GRIK2: variants seen among roughly 807,000 people sequenced by gnomAD.
The protein encoded by GRIK2 is glutamate receptor ionotropic, kainate 2.
A neutral mutation model predicts 100.3 loss-of-function variants in GRIK2; 32 were observed. The ratio of observed to expected loss-of-function variants is 0.32; its 90% CI spans 0.24 to 0.43. The LOEUF is 0.43. GRIK2 is among the 20% of genes least tolerant of loss of function. The probability of loss-of-function intolerance (pLI) is 1.00; values close to 1 mark genes in which losing one functional copy is unlikely to be tolerated. For missense variants in GRIK2, 843 were observed against 1,114.9 expected (o/e 0.76, Z 3.47); for synonymous variants, 417 against 389.4 (o/e 1.07, Z -0.83).
intron 2 of GRIK2, among the ~76,000 whole-genome samples, chr6:101,587,689 T>C (rs528973348): frequency 6.6e-6 from 1 of 152,216 alleles, no homozygotes; most frequent in African/African-American, 2.4e-5. Flanking sequence ...GAAAGCAACA[T>C]TGGAGGCTAG....
intron 2 of GRIK2, among the ~76,000 whole-genome samples, chr6:101,476,162 A>G (rs1450399406): frequency 2.6e-5 from 4 of 152,090 alleles, no homozygotes; most frequent in Non-Finnish European, 5.9e-5. Flanking sequence ...TGATGAATTT[A>G]GTATATAACT....
At chr6:101,426,488 C>A (rs1015195280) in intron 2 of GRIK2, among the ~76,000 whole-genome samples, 1 of 152,192 alleles carries the variant, frequency 6.6e-6, no homozygotes, top group Non-Finnish European at 1.5e-5. Flanking sequence ...CCTCCCTACA[C>A]TTCCCAGCCT....
intron 7 of GRIK2, among the ~76,000 whole-genome samples, chr6:101,775,616 GAAACAAGACAGAGGC>G (rs1457542190): frequency 2.7e-5 from 4 of 150,698 alleles, no homozygotes; most frequent in Non-Finnish European, 4.4e-5. Context: ...AATTCATTTA[GAAACAAGACAGAGGC>G]TGTACTCACA....
intron 2 of GRIK2, among the ~76,000 whole-genome samples, chr6:101,608,784 G>GGTGTGTGTGT (rs71689029): frequency 2.1e-5 from 3 of 141,970 alleles, no homozygotes; most frequent in African/African-American, 8.1e-5. Flanking sequence ...CTCATAGAGG[G>GGTGTGTGTGT]GTGTGTGTGT....
chr6:101,648,186 T>C (rs1781617860), intron 4 of GRIK2, among the ~76,000 whole-genome samples: 1 of 152,012 alleles, frequency 6.6e-6, no homozygotes, highest in African/African-American at 2.4e-5. Flanking sequence ...TTAGATATGA[T>C]TTAGAAGTCT....
intron 7 of GRIK2, among the ~76,000 whole-genome samples, chr6:101,795,484 T>C (rs1780234364): frequency 2.0e-5 from 3 of 152,232 alleles, no homozygotes; most frequent in Non-Finnish European, 4.4e-5. Flanking sequence ...CGTGTGTTAG[T>C]GGGCTCAGGT....
At chr6:101,803,553 C>T (rs1359209809) in intron 9 of GRIK2, among the ~76,000 whole-genome samples, 2 of 151,834 alleles carry the variant, frequency 1.3e-5, no homozygotes, top group Admixed American at 6.6e-5. Context: ...AACTGTCTCA[C>T]TCTCCAGATG....
At chr6:101,915,070 T>C (rs1258160129) in intron 12 of GRIK2, among the ~76,000 whole-genome samples, 1 of 151,482 alleles carries the variant, frequency 6.6e-6, no homozygotes, top group Admixed American at 6.6e-5. Flanking sequence ...AGGAAAATCT[T>C]TTCCTTAGAA....
chr6:101,636,507 AG>A (rs1245331050), intron 4 of GRIK2, among the ~76,000 whole-genome samples: 6 of 150,152 alleles, frequency 4.0e-5, no homozygotes, highest in Admixed American at 6.6e-5. Flanking sequence ...AATAAAAAAA[AG>A]AAAAGAAAAT....
chr6:102,047,674 A>G (rs1770966377), intron 15 of GRIK2, among the ~76,000 whole-genome samples: 1 of 151,822 alleles, frequency 6.6e-6, no homozygotes, highest in African/African-American at 2.4e-5. Flanking sequence ...GCTTTAACCC[A>G]GGAGGCAGAG....
At chr6:101,657,880 G>T (rs1490266028) in intron 4 of GRIK2, among the ~76,000 whole-genome samples, 3 of 151,882 alleles carry the variant, frequency 2.0e-5, no homozygotes, top group African/African-American at 7.3e-5. Context: ...GTCAAATCTA[G>T]GATGAGGGGG....
At chr6:101,617,293 C>T (rs1046281069) in intron 2 of GRIK2, among the ~76,000 whole-genome samples, 1 of 151,818 alleles carries the variant, frequency 6.6e-6, no homozygotes, top group African/African-American at 2.4e-5. Context: ...ATGCTCTCTT[C>T]TTACTGCTAT....
At chr6:102,067,464 C>A (rs1003537620) in intron 16 of GRIK2, among the ~76,000 whole-genome samples, 3 of 151,634 alleles carry the variant, frequency 2.0e-5, no homozygotes, top group African/African-American at 7.3e-5. Context: ...AGCTAACGCA[C>A]AAATAAGTCT....
At chr6:101,913,358 C>T (rs1213100711) in intron 12 of GRIK2, among the ~76,000 whole-genome samples, 1 of 151,576 alleles carries the variant, frequency 6.6e-6, no homozygotes, top group Non-Finnish European at 1.5e-5. Flanking sequence ...TCTTCTACAT[C>T]CACTGGCATC....
At chr6:101,764,709 T>G (rs1777936393) in intron 7 of GRIK2, among the ~76,000 whole-genome samples, 1 of 152,072 alleles carries the variant, frequency 6.6e-6, no homozygotes, top group Non-Finnish European at 1.5e-5. Flanking sequence ...GTCACTAGGA[T>G]TATTTTTAAT....
intron 2 of GRIK2, among the ~76,000 whole-genome samples, chr6:101,572,081 TA>T (rs1217833148): frequency 1.3e-5 from 2 of 152,146 alleles, no homozygotes; most frequent in Non-Finnish European, 2.9e-5. Flanking sequence ...TCTTGATTAC[TA>T]TTCTGTATCT....
chr6:101,928,080 G>T (rs1035401236), intron 13 of GRIK2: 2 of 234,980 alleles, frequency 8.5e-6, no homozygotes, highest in Non-Finnish European at 1.7e-5. Context: ...CAATAAATGT[G>T]GTTTATAAAC....
chr6:101,614,031 A>T (rs529584138), intron 2 of GRIK2, among the ~76,000 whole-genome samples: 24 of 151,760 alleles, frequency 1.6e-4, no homozygotes, highest in African/African-American at 5.8e-4. Context: ...GCTTCAGATG[A>T]TAAGTTTGTC....
intron 10 of GRIK2, among the ~76,000 whole-genome samples, chr6:101,832,110 G>T (rs1318674466): frequency 2.0e-5 from 3 of 151,570 alleles, no homozygotes; most frequent in Admixed American, 6.6e-5. Context: ...GAAAATAAAT[G>T]CAGTATAAAG....
Sources: allele counts gnomAD v4.1 joint callset (sites outside exome capture counted in the v4.1 genomes callset), GRCh38; gene constraint gnomAD v4.1.1; transcripts MANE v1.5; gene names NCBI Gene and HGNC (gene_info 2026-07-23, HGNC 2026-07-21).